PARD3: variants seen among roughly 807,000 people sequenced by gnomAD.
PARD3 encodes partitioning defective 3 homolog.
PARD3 carries 75 observed loss-of-function variants against 155.4 expected under a neutral mutation model. The observed-to-expected ratio is 0.48, with a 90% confidence interval of 0.40 to 0.58. The LOEUF (loss-of-function observed/expected upper bound fraction) is 0.58. Among genes scored for constraint, PARD3 ranks in the 20% least tolerant of loss-of-function variants. The pLI is 0.00. For synonymous variants in PARD3, 576 were observed against 610.5 expected (o/e 0.94, Z 0.83); for missense variants, 1,642 against 1,721.7 (o/e 0.95, Z 0.82).
intron 1 of PARD3, among the ~76,000 whole-genome samples, chr10:34,811,876 A>G (rs901634737): frequency 6.6e-6 from 1 of 152,130 alleles, no homozygotes; most frequent in Non-Finnish European, 1.5e-5. Context: ...CTGCGCCCTC[A>G]TGAGAACGGT....
chr10:34,154,198 T>C (rs535336912), intron 22 of PARD3, among the ~76,000 whole-genome samples: 34 of 152,340 alleles, frequency 2.2e-4, no homozygotes, highest in Admixed American at 3.9e-4. Context: ...GAACAGACTT[T>C]GCTACTAAAT....
chr10:34,394,246 G>A lies in PARD3; in HGVS notation c.890+5084C>T, dbSNP rs190250008. On this transcript the variant is annotated intron_variant, in intron 7 of 24. Transcript: ENST00000374788. ...TCACCATGTTGGCCACGCTGGTCTC[G>A]CACTCCTGACCTCAGGTGATCTGCC... is the stretch of plus-strand genomic sequence containing the variant. 3.5e-4 allele frequency among the ~76,000 whole-genome samples: 54 copies of A among 152,170 alleles called. No homozygotes were observed. In the East Asian group the frequency reaches 9.5e-3, roughly 27 times the overall value.
chr10:34,766,761 C>A (rs1464576397), intron 1 of PARD3, among the ~76,000 whole-genome samples: 1 of 152,040 alleles, frequency 6.6e-6, no homozygotes, highest in African/African-American at 2.4e-5. Context: ...AAAGGACCTA[C>A]CGTCAGACAA....
intron 4 of PARD3, among the ~76,000 whole-genome samples, chr10:34,466,969 G>A (rs1028900089): frequency 3.9e-5 from 6 of 151,968 alleles, no homozygotes; most frequent in East Asian, 1.9e-4. Context: ...TATCATATGC[G>A]AATATCACTT....
chr10:34,696,671 C>T (rs1245002348), intron 1 of PARD3, among the ~76,000 whole-genome samples: 1 of 150,868 alleles, frequency 6.6e-6, no homozygotes, highest in Non-Finnish European at 1.5e-5. Flanking sequence ...AGGAACTGCA[C>T]AAACCTGCAA....
At chr10:34,434,526 AC>A (rs2076096253) in intron 5 of PARD3, among the ~76,000 whole-genome samples, 1 of 152,120 alleles carries the variant, frequency 6.6e-6, no homozygotes, top group Non-Finnish European at 1.5e-5. Context: ...TAACCACTTC[AC>A]CCACGGTGTT....
chr10:34,521,299 G>A (rs2082129904), intron 2 of PARD3, among the ~76,000 whole-genome samples: 1 of 138,258 alleles, frequency 7.2e-6, no homozygotes, highest in Non-Finnish European at 1.5e-5. Context: ...ATAATTTTGT[G>A]TTAAACTGGG....
intron 1 of PARD3, among the ~76,000 whole-genome samples, chr10:34,783,323 G>A (rs1252414946): frequency 2.6e-5 from 4 of 151,810 alleles, no homozygotes; most frequent in South Asian, 4.2e-4. Context: ...ATAAGTCCTC[G>A]GCCAGGCACA....
intron 21 of PARD3, among the ~76,000 whole-genome samples, chr10:34,277,866 G>A (rs1244732375): frequency 6.6e-6 from 1 of 152,090 alleles, no homozygotes; most frequent in African/African-American, 2.4e-5. Context: ...GTGCTTAGGG[G>A]GAGAGAGACT....
chr10:34,346,271 T>C lies in PARD3; in HGVS notation c.2218+1694A>G, dbSNP rs1332303719. ...ACAGACTAGGAAGAAAATGAATGACTCTTCAACTCATATATACAGCATTTC... is the reference window on the plus strand; with the variant it reads ...ACAGACTAGGAAGAAAATGAATGACCCTTCAACTCATATATACAGCATTTC... On this transcript the variant is annotated intron_variant, in intron 15 of 24. Transcript: ENST00000374788. The C allele has an allele frequency of 5.1e-6, 6 of 1,182,560 alleles. No homozygotes were observed. In the East Asian group the frequency reaches 3.7e-4, roughly 73 times the overall value. 73.3% of individuals were successfully genotyped at this position (1,182,560 alleles called of 1,614,324 possible).
chr10:34,729,382 T>C (rs1203419994), intron 1 of PARD3, among the ~76,000 whole-genome samples: 1 of 151,700 alleles, frequency 6.6e-6, no homozygotes, highest in East Asian at 1.9e-4. Context: ...AATACAAAAA[T>C]TAGCCAGGCG....
At chr10:34,648,312 T>A (rs2092905975) in intron 2 of PARD3, among the ~76,000 whole-genome samples, 1 of 152,234 alleles carries the variant, frequency 6.6e-6, no homozygotes, top group Admixed American at 6.5e-5. Context: ...TTTTTAATAT[T>A]GATGTATTTC....
chr10:34,341,453 A>G (rs550337474), intron 16 of PARD3, among the ~76,000 whole-genome samples, 174 bp downstream of exon 16: 1 of 152,314 alleles, frequency 6.6e-6, no homozygotes, highest in African/African-American at 2.4e-5. Context: ...AGGCTAAAAC[A>G]ATTAAATTTA....
chr10:34,795,882 G>A (rs528628071), intron 1 of PARD3, among the ~76,000 whole-genome samples: 1 of 151,190 alleles, frequency 6.6e-6, no homozygotes, highest in African/African-American at 2.4e-5. Flanking sequence ...CAACAAGAGT[G>A]AAACTCCATC....
intron 2 of PARD3, among the ~76,000 whole-genome samples, chr10:34,592,334 T>C (rs540953657): frequency 2.0e-5 from 3 of 152,338 alleles, no homozygotes; most frequent in South Asian, 4.1e-4. Context: ...CCTCTGTGAA[T>C]GGTAATTGAT....
At chr10:34,293,449 C>A (rs1321100383) in intron 20 of PARD3, among the ~76,000 whole-genome samples, 2 of 152,090 alleles carry the variant, frequency 1.3e-5, no homozygotes, top group East Asian at 3.8e-4. Flanking sequence ...TTTCTCCCAA[C>A]TAAATTGACG....
chr10:34,330,978 T>A, intron 19 of PARD3, 139 bp downstream of exon 19: 1 of 655,008 alleles, frequency 1.5e-6, no homozygotes, highest in South Asian at 2.0e-5. Context: ...CGTCTTATTA[T>A]GAAATAAGAG....
At chr10:34,467,050 C>T (rs2078051891) in intron 4 of PARD3, among the ~76,000 whole-genome samples, 1 of 151,956 alleles carries the variant, frequency 6.6e-6, no homozygotes, top group Non-Finnish European at 1.5e-5. Flanking sequence ...ACATTAAATA[C>T]TGCTCCATGG....
chr10:34,425,184 C>G (rs1335238474), intron 5 of PARD3, among the ~76,000 whole-genome samples: 1 of 152,036 alleles, frequency 6.6e-6, no homozygotes, highest in Admixed American at 6.6e-5. Flanking sequence ...TAAGCGTTCT[C>G]TCTTTTGTCT....
Sources: gnomAD v4.1 joint callset for allele counts (sites outside exome capture counted in the v4.1 genomes callset) on GRCh38, gnomAD v4.1.1 for gene constraint, MANE v1.5 for transcripts, NCBI Gene and HGNC (gene_info 2026-07-23, HGNC 2026-07-21) for gene names.